ADGRL1: variants seen among roughly 807,000 people sequenced by gnomAD.
The protein encoded by ADGRL1 is adhesion G protein-coupled receptor L1.
In ADGRL1, 31 loss-of-function variants were observed where a neutral mutation model predicts 148.9. The observed-to-expected ratio is 0.21, with a 90% confidence interval of 0.16 to 0.28. ADGRL1 has a LOEUF of 0.28. Among genes scored for constraint, ADGRL1 ranks in the 10% least tolerant of loss-of-function variants. The pLI is 1.00. For synonymous variants in ADGRL1, 937 were observed against 900.3 expected (o/e 1.04, Z -0.73); for missense variants, 1,521 against 2,058.8 (o/e 0.74, Z 5.05).
At chr19:14,170,429 G>A in intron 4 of ADGRL1, 1 of 419,294 alleles carries the variant, frequency 2.4e-6, no homozygotes. Flanking sequence ...CAGGGTGAGT[G>A]GGCTGGGGTA....
chr19:14,189,876 T>G (rs1187734565), intron 1 of ADGRL1, among the ~76,000 whole-genome samples: 1 of 152,238 alleles, frequency 6.6e-6, no homozygotes, highest in Non-Finnish European at 1.5e-5. Flanking sequence ...GTGTGTGTGG[T>G]GAGAACACTT....
At chr19:14,184,825 G>A (rs1325242054) in intron 1 of ADGRL1, among the ~76,000 whole-genome samples, 1 of 151,680 alleles carries the variant, frequency 6.6e-6, no homozygotes, top group African/African-American at 2.4e-5. Context: ...ATTTTTAGTC[G>A]AGATGGGGTT....
At chr19:14,183,476 G>GC (rs61051191) in intron 2 of ADGRL1, 57 bp downstream of exon 2, 1 of 1,424,456 alleles carries the variant, frequency 7.0e-7, no homozygotes, top group Non-Finnish European at 9.6e-7. Context: ...CATTTTATCT[G>GC]CCCCCCCCAG....
At chr19:14,165,144 G>C (rs1599432229) in intron 4 of ADGRL1, among the ~76,000 whole-genome samples, 2 of 152,292 alleles carry the variant, frequency 1.3e-5, no homozygotes, top group South Asian at 4.1e-4. Context: ...CACAGCATGG[G>C]AACAATGTGG....
At chr19:14,191,104 A>C (rs1408700695) in intron 1 of ADGRL1, 3 of 454,354 alleles carry the variant, frequency 6.6e-6, no homozygotes, top group African/African-American at 6.0e-5. Context: ...AAACAAAAAC[A>C]AAAGACAATG....
At chr19:14,198,705 T>TCCC (rs1292663637) in intron 1 of ADGRL1, among the ~76,000 whole-genome samples, 1 of 151,834 alleles carries the variant, frequency 6.6e-6, no homozygotes, top group Non-Finnish European at 1.5e-5. Flanking sequence ...TTCTCCTTCC[T>TCCC]CCCCTTTGAG....
chr19:14,190,998 G>A, intron 1 of ADGRL1: 1 of 422,312 alleles, frequency 2.4e-6, no homozygotes, highest in South Asian at 1.7e-5. Context: ...TGAGGTAGGA[G>A]AATTGCTTGA....
chr19:14,194,390 G>A (rs1972128368), intron 1 of ADGRL1, among the ~76,000 whole-genome samples: 1 of 151,636 alleles, frequency 6.6e-6, no homozygotes, highest in African/African-American at 2.4e-5. Flanking sequence ...CCATTTACAG[G>A]AAACAGCAAA....
rs774791492 is a variant in ADGRL1 at position 14,152,384 on chromosome 19, T to C, written c.3574A>G (p.Thr1192Ala). 1.2e-6 allele frequency: 2 copies of C among 1,601,676 alleles called. No individual in the cohort carries two copies. The highest frequency in any genetic ancestry group is 2.2e-5 in the South Asian group (2 of 89,394). ...GCGATGAGGGTGTTGTAGGGACTGG[T>C]GCCCCCACGGGGCTGCAGCACGGGG... ...TNPVLQPRGGTSPYNTLIAES... is the reference protein window; with the variant it reads ...TNPVLQPRGGASPYNTLIAES... Residue 1192 changes from threonine to alanine, a missense_variant, in exon 21 of 23, where the codon ACC (threonine) becomes GCC (alanine). Physicochemically the swap from Thr to Ala is moderately conservative, Grantham distance 58. Around this residue, in one of 8 missense-constraint regions of ADGRL1, gnomAD observed 47 missense variants for 64.6 expected, o/e 0.73. Transcript: ENST00000361434. This position sits in a 1 kb window ranked among gnomAD's most constrained non-coding sequence, Gnocchi z 6.1.
intron 1 of ADGRL1, among the ~76,000 whole-genome samples, chr19:14,200,535 G>C (rs1323739916): frequency 6.6e-6 from 1 of 152,222 alleles, no homozygotes; most frequent in African/African-American, 2.4e-5. Context: ...CACAGAACCC[G>C]TCTGCGGCCC....
intron 1 of ADGRL1, among the ~76,000 whole-genome samples, chr19:14,193,095 G>C (rs1201935361): frequency 1.3e-5 from 2 of 151,954 alleles, no homozygotes; most frequent in Non-Finnish European, 2.9e-5. Context: ...TACAGACAGA[G>C]TTCCCCAGGA....
intron 2 of ADGRL1, 115 bp downstream of exon 2, chr19:14,183,418 G>T: frequency 2.1e-6 from 2 of 949,008 alleles, no homozygotes; most frequent in East Asian, 2.7e-5. Flanking sequence ...GGTCTGGGGC[G>T]GGGCAGGGGG....
chr19:14,186,234 AT>A (rs1424020237), intron 1 of ADGRL1, among the ~76,000 whole-genome samples: 2 of 151,816 alleles, frequency 1.3e-5, no homozygotes, highest in Non-Finnish European at 2.9e-5. Flanking sequence ...AATTTATTTT[AT>A]TTTGCAAAGA....
Position 14,159,959 on chromosome 19 carries a change from C to T in ADGRL1, c.1800+153G>A, listed in dbSNP as rs1036731204. ...TCCGGGGCAGCACAGGAGTGAGACC[C>T]GGCAGTCCTTGGCGGAGAGGGGGGG... On this transcript the variant is annotated intron_variant, in intron 8 of 22. Coordinates refer to ENST00000361434, the MANE Select transcript of ADGRL1 (RefSeq NM_014921.5). The surrounding 1 kb of genome is among the most constrained non-coding windows in gnomAD (Gnocchi z 6.0). Among the ~76,000 whole-genome samples, 1 of 152,162 alleles carries T rather than the reference C, an allele frequency of 6.6e-6. No homozygotes were observed. Among genetic ancestry groups the T allele is most frequent in the East Asian group, 1.9e-4 (1 of 5,176 alleles).
chr19:14,156,924 C>T lies in ADGRL1; in HGVS notation c.2966+1G>A, dbSNP rs1968824854. On this transcript the variant is annotated splice_donor_variant, in intron 15 of 22. Coordinates refer to ENST00000361434, the MANE Select transcript of ADGRL1 (RefSeq NM_014921.5). LOFTEE classifies it high-confidence loss of function. Reference sequence around the variant, plus strand: ...TGCAGGGCTGGGAGGTGGAAACTCACGCCTTCTCGGTGCCGTAGCTGCGGT... The same window carrying T: ...TGCAGGGCTGGGAGGTGGAAACTCATGCCTTCTCGGTGCCGTAGCTGCGGT... 6.2e-7 allele frequency: 1 copy of T among 1,608,814 alleles called. No individual in the cohort carries two copies. The highest frequency in any genetic ancestry group is 8.5e-7 in the Non-Finnish European group (1 of 1,179,408).
intron 2 of ADGRL1, among the ~76,000 whole-genome samples, chr19:14,179,268 G>A (rs1224022380): frequency 6.6e-6 from 1 of 152,068 alleles, no homozygotes; most frequent in Non-Finnish European, 1.5e-5. Flanking sequence ...GCCAGGGTGG[G>A]CAGATCATGA....
chr19:14,177,379 C>T (rs1235229710), intron 3 of ADGRL1, 152 bp downstream of exon 3: 2 of 709,892 alleles, frequency 2.8e-6, no homozygotes, highest in East Asian at 2.7e-5. Context: ...GGGTCTTATT[C>T]TCGTCTGCAT....
At chr19:14,200,210 A>T (rs968868903) in intron 1 of ADGRL1, among the ~76,000 whole-genome samples, 1 of 152,340 alleles carries the variant, frequency 6.6e-6, no homozygotes, top group East Asian at 1.9e-4. Flanking sequence ...GACCGTGCCT[A>T]TATGTTTGAA....
rs753915429 is a variant in ADGRL1 at position 14,152,637 on chromosome 19, G to C, written c.3424-24C>G. ...CTCTGGGAACACAACCCAAATGTGA[G>C]GGGATCCTTGGGCCACCCACCCTCT... On this transcript the variant is annotated intron_variant, in intron 19 of 22. Coordinates refer to ENST00000361434, the MANE Select transcript of ADGRL1 (RefSeq NM_014921.5). This position sits in a 1 kb window ranked among gnomAD's most constrained non-coding sequence, Gnocchi z 6.1. 26 of 1,609,650 alleles carry C rather than the reference G, an allele frequency of 1.6e-5. No homozygotes were observed. Among genetic ancestry groups the C allele is most frequent in the Non-Finnish European group, 2.1e-5 (25 of 1,176,476 alleles).
Sources: gnomAD v4.1 joint callset for allele counts (sites outside exome capture counted in the v4.1 genomes callset) on GRCh38, gnomAD v4.1.1 for gene constraint, gnomAD v4.1.1 regional missense constraint, Gnocchi (gnomAD v3.1) non-coding constraint, MANE v1.5 for transcripts, NCBI Gene and HGNC (gene_info 2026-07-23, HGNC 2026-07-21) for gene names.